SLC7A14: variants seen among roughly 807,000 people sequenced by gnomAD.
The protein encoded by SLC7A14 is gamma-aminobutyric acid transporter SLC7A14.
In SLC7A14, 37 loss-of-function variants were observed where a neutral mutation model predicts 60.2. The observed-to-expected ratio is 0.61, with a 90% CI of 0.47 to 0.81. The LOEUF (loss-of-function observed/expected upper bound fraction) is 0.81. Ranked by LOEUF, SLC7A14 falls within the 30% of genes least tolerant of loss-of-function variation. SLC7A14 has a pLI of 0.00. For missense variants in SLC7A14, 886 were observed against 982.7 expected (o/e 0.90, Z 1.32); for synonymous variants, 399 against 395.8 (o/e 1.01, Z -0.10).
chr3:170,551,862 C>CT (rs1714362633), intron 1 of SLC7A14, among the ~76,000 whole-genome samples: 3 of 152,090 alleles, frequency 2.0e-5, no homozygotes, highest in Non-Finnish European at 4.4e-5. Context: ...AGATTTCATT[C>CT]TTTTCACTTT....
intron 4 of SLC7A14, among the ~76,000 whole-genome samples, chr3:170,488,209 T>C (rs1414601581): frequency 1.3e-5 from 2 of 152,220 alleles, no homozygotes; most frequent in Admixed American, 6.5e-5. Context: ...AGGTGGTCCA[T>C]GGCACAAGAA....
chr3:170,546,984 A>C (rs1714198764), intron 1 of SLC7A14, among the ~76,000 whole-genome samples: 2 of 152,162 alleles, frequency 1.3e-5, no homozygotes, highest in Admixed American at 1.3e-4. Flanking sequence ...CATATTTCCA[A>C]GAGATTTATA....
At chr3:170,487,364 G>A (rs888353143) in intron 4 of SLC7A14, among the ~76,000 whole-genome samples, 10 of 151,616 alleles carry the variant, frequency 6.6e-5, no homozygotes, top group African/African-American at 2.2e-4. Context: ...CTCTTTGAAT[G>A]CTTAGGGACG....
chr3:170,524,474 A>T (rs2108292501), intron 2 of SLC7A14, among the ~76,000 whole-genome samples: 1 of 150,152 alleles, frequency 6.7e-6, no homozygotes, highest in Middle Eastern at 3.4e-3. Flanking sequence ...CAGGTAATTC[A>T]TTCACAAAAA....
chr3:170,564,464 G>C (rs1577566207), intron 1 of SLC7A14, among the ~76,000 whole-genome samples: 1 of 152,212 alleles, frequency 6.6e-6, no homozygotes, highest in Admixed American at 6.5e-5. Flanking sequence ...CCAGGGTCAT[G>C]CTGCTAGTTA....
intron 7 of SLC7A14, among the ~76,000 whole-genome samples, chr3:170,470,122 C>G (rs1383412786): frequency 6.6e-6 from 1 of 152,174 alleles, no homozygotes; most frequent in Non-Finnish European, 1.5e-5. Context: ...GAATAAGTGA[C>G]TTGCCTGGGT....
rs553319766 is a variant in SLC7A14, at chr3:170,474,003, A to G, written c.1993+6286T>C. On this transcript the variant is annotated intron_variant, in intron 7 of 7. Transcript: ENST00000231706. ...AACTCAACAGAAACCCAAGAGATAC[A>G]TGTCCGCGTGTCCACCAAAAACATG... Among the ~76,000 whole-genome samples the G allele has an allele frequency of 1.1e-4, 16 of 152,312 alleles. No individual in the cohort carries two copies. In the Middle Eastern group the frequency reaches 0.014, roughly 130 times the overall value.
rs1056144759 is a variant in SLC7A14 at position 170,462,396 on chromosome 3, A to T, written c.*4659T>A. ...CCAACCCTTTTCAGCAGAATAGAGGAGAGAGATTTCTTTGAAGGAGTTTGT... is the reference window on the plus strand; with the variant it reads ...CCAACCCTTTTCAGCAGAATAGAGGTGAGAGATTTCTTTGAAGGAGTTTGT... On this transcript the variant is annotated 3_prime_UTR_variant, in exon 8 of 8. Coordinates refer to ENST00000231706, the MANE Select transcript of SLC7A14 (RefSeq NM_020949.3). 3 of 152,192 alleles carry T rather than the reference A, an allele frequency of 2.0e-5. No homozygotes were observed. Among genetic ancestry groups the T allele is most frequent in the African/African-American group, 7.2e-5 (3 of 41,444 alleles). 9.4% of individuals were successfully genotyped at this position (152,192 alleles called of 1,614,324 possible).
At chr3:170,475,435 A>G (rs1181254726) in intron 7 of SLC7A14, among the ~76,000 whole-genome samples, 1 of 152,204 alleles carries the variant, frequency 6.6e-6, no homozygotes, top group African/African-American at 2.4e-5. Context: ...GAAAAATCTG[A>G]TATCTTGGAG....
chr3:170,536,901 C>A (rs535926760), intron 1 of SLC7A14, among the ~76,000 whole-genome samples: 40 of 152,156 alleles, frequency 2.6e-4, no homozygotes, highest in African/African-American at 9.2e-4. Flanking sequence ...AGCCTGGCAC[C>A]TTCATGCCAT....
chr3:170,459,716 T>G lies in SLC7A14; in HGVS notation c.*7339A>C, dbSNP rs1267574734. ...CGAAATTCACTTATTCATCTCCATT[T>G]AAGAATGGAAAAAAAGTAACAGACT... On this transcript the variant is annotated 3_prime_UTR_variant, in exon 8 of 8. Transcript: ENST00000231706. 6 of 152,164 alleles carry G rather than the reference T, an allele frequency of 3.9e-5. No homozygotes were observed. The highest frequency in any genetic ancestry group is 1.4e-4 in the African/African-American group (6 of 41,446). 9.4% of individuals were successfully genotyped at this position (152,164 alleles called of 1,614,324 possible).
At position 170,557,409 on chromosome 3, in the gene SLC7A14, G is replaced by A. The variant is rs76013595; in HGVS notation, c.-153+28502C>T. 5.3e-3 allele frequency among the ~76,000 whole-genome samples: 809 copies of A among 152,192 alleles called. 11 individuals carry two copies. Among genetic ancestry groups the A allele is most frequent in the African/African-American group, 0.019 (769 of 41,498 alleles). On this transcript the variant is annotated intron_variant, in intron 1 of 7. Coordinates refer to ENST00000231706, the MANE Select transcript of SLC7A14 (RefSeq NM_020949.3). ...TACCTAGAGAGGTTCAATTCCATTC[G>A]TCAAACTCTTAATAAATACTGATTC... is the stretch of plus-strand genomic sequence containing the variant.
At position 170,501,354 on chromosome 3, in the gene SLC7A14, G is replaced by A. The variant is rs757684413; in HGVS notation, c.305-9C>T. 1.9e-6 allele frequency: 3 copies of A among 1,612,000 alleles called. No homozygotes were observed. Among genetic ancestry groups the A allele is most frequent in the Non-Finnish European group, 1.7e-6 (2 of 1,178,076 alleles). On this transcript the variant is annotated splice_polypyrimidine_tract_variant and intron_variant, in intron 2 of 7. Coordinates refer to ENST00000231706, the MANE Select transcript of SLC7A14 (RefSeq NM_020949.3). ...CTCTGCATAGCAGACGCCTGCAAGG[G>A]ACAGACATACACAGATGGTGGACTT...
chr3:170,495,879 C>T, intron 4 of SLC7A14: 1 of 1,330,820 alleles, frequency 7.5e-7, no homozygotes, highest in Middle Eastern at 2.3e-4. Context: ...CCTTAGGCGG[C>T]AGCTGGAGGC....
rs556185907 is a variant in SLC7A14 at position 170,495,871 on chromosome 3, T to G, written c.759+2796A>C. 4.8e-4 allele frequency: 620 copies of G among 1,294,942 alleles called. 7 individuals carry two copies. The highest frequency in any genetic ancestry group is 2.7e-3 in the South Asian group (226 of 84,710). 80.2% of individuals were successfully genotyped at this position (1,294,942 alleles called of 1,614,324 possible). ...GTATTTGAGAGCTACATGAACAACC[T>G]TAGGCGGCAGCTGGAGGCTCTGGGC... On this transcript the variant is annotated intron_variant, in intron 4 of 7. Transcript: ENST00000231706.
At chr3:170,495,730 C>A (rs576978249) in intron 4 of SLC7A14, 2 of 1,148,642 alleles carry the variant, frequency 1.7e-6, no homozygotes, top group Admixed American at 1.7e-5. Flanking sequence ...CAGATCAAGA[C>A]CCTCAACAAC....
At chr3:170,516,391 G>A (rs759005014) in intron 2 of SLC7A14, among the ~76,000 whole-genome samples, 159 of 152,104 alleles carry the variant, frequency 1.0e-3, no homozygotes, top group African/African-American at 3.0e-3. Flanking sequence ...AAACGTGAGC[G>A]TTCCTTGATT....
chr3:170,514,101 G>T (rs922363747), intron 2 of SLC7A14, among the ~76,000 whole-genome samples: 1 of 152,204 alleles, frequency 6.6e-6, no homozygotes, highest in Non-Finnish European at 1.5e-5. Flanking sequence ...CCTTGCCAGG[G>T]CAAGTGTCAG....
chr3:170,581,563 C>T (rs868468774), intron 1 of SLC7A14, among the ~76,000 whole-genome samples: 7 of 152,108 alleles, frequency 4.6e-5, no homozygotes, highest in South Asian at 2.1e-4. Context: ...TTTTCTTCAC[C>T]GTTCCACTTT....
Sources: allele counts gnomAD v4.1 joint callset (sites outside exome capture counted in the v4.1 genomes callset), GRCh38; gene constraint gnomAD v4.1.1; transcripts MANE v1.5; gene names NCBI Gene and HGNC (gene_info 2026-07-23, HGNC 2026-07-21).